Variants in GK5 observed in about 807,000 individuals in gnomAD.
GK5 encodes the protein glycerol kinase 5.
A neutral mutation model predicts 77.3 loss-of-function variants in GK5; 39 were observed. That is an observed-to-expected ratio of 0.50 (90% CI 0.39 to 0.66). GK5 has a LOEUF of 0.66. GK5 is among the 30% of genes least tolerant of loss of function. GK5 has a pLI of 0.00. For synonymous variants in GK5, 211 were observed against 208.0 expected (o/e 1.01, Z -0.13); for missense variants, 487 against 633.8 (o/e 0.77, Z 2.49).
Position 142,162,682 on chromosome 3 carries a change from A to T in GK5, c.*2940T>A, listed in dbSNP as rs1017841085. 6.6e-6 allele frequency: 1 copy of T among 152,174 alleles called. No homozygotes were observed. The highest frequency in any genetic ancestry group is 1.5e-5 in the Non-Finnish European group (1 of 68,034). 9.4% of individuals were successfully genotyped at this position (152,174 alleles called of 1,614,324 possible). The stretch of plus-strand genomic sequence containing the variant: ...TTCTAAACTTCAAATATTAGCATAC[A>T]AATGAAAAACAAACTTGGAAGACAG... On this transcript the variant is annotated 3_prime_UTR_variant, in exon 16 of 16. Transcript: ENST00000392993.
intron 11 of GK5, among the ~76,000 whole-genome samples, chr3:142,179,896 T>C (rs1464407618): frequency 6.6e-6 from 1 of 152,170 alleles, no homozygotes; most frequent in African/African-American, 2.4e-5. Flanking sequence ...ATTCCTGGCC[T>C]AGACTCAGAG....
rs34862424 is a variant in GK5 at position 142,167,373 on chromosome 3, CAA to C, written c.1442-1605_1442-1604del. Among the ~76,000 whole-genome samples, 621 of 137,836 alleles carry C rather than the reference CAA, an allele frequency of 4.5e-3. 10 individuals carry two copies. The highest frequency in any genetic ancestry group is 0.016 in the African/African-American group (574 of 36,998). 90.4% of individuals were successfully genotyped at this position (137,836 alleles called of 152,430 possible). A position where few individuals can be genotyped will look rare whatever the true frequency, so the allele number is the denominator to read the frequency against. ...TGGGCTACAGAGTGAGACTCCATCT[CAA>C]AAAAAAAAAATTTTTAATTAAAAAT... On this transcript the variant is annotated intron_variant, in intron 15 of 15. Transcript: ENST00000392993.
intron 3 of GK5, 132 bp downstream of exon 3, chr3:142,213,394 C>G (rs1274762012): frequency 1.6e-6 from 1 of 641,100 alleles, no homozygotes; most frequent in Admixed American, 2.3e-5. Flanking sequence ...AAAGCAGGCA[C>G]ATTTCATCCC....
intron 12 of GK5, among the ~76,000 whole-genome samples, chr3:142,173,796 G>A (rs1042512020): frequency 3.9e-5 from 6 of 152,116 alleles, no homozygotes; most frequent in African/African-American, 9.7e-5. Context: ...TCACAAGAGC[G>A]CTAACACATC....
In GK5 at chr3:142,162,926, A is replaced by G. The variant is rs12107670; in HGVS notation, c.*2696T>C. 67,542 of 149,512 alleles carry G rather than the reference A, an allele frequency of 0.45. 16,472 individuals carry two copies. Among genetic ancestry groups the G allele is most frequent in the African/African-American group, 0.64 (25,978 of 40,736 alleles). The allele number at this position is 149,512 out of a possible 1,614,324, so 9.3% of individuals were successfully genotyped here. A position where few individuals can be genotyped will look rare whatever the true frequency, so the allele number is the denominator to read the frequency against. On this transcript the variant is annotated 3_prime_UTR_variant, in exon 16 of 16. Coordinates refer to ENST00000392993, the MANE Select transcript of GK5 (RefSeq NM_001039547.3). ...CAGGAGGACTGCTTGAGCCCAGGAG[A>G]GGGAGGTTGCAGTGAGCCGAGATCA... is the stretch of plus-strand genomic sequence containing the variant.
chr3:142,171,388 A>T, intron 14 of GK5, 31 bp downstream of exon 14: 1 of 1,443,130 alleles, frequency 6.9e-7, no homozygotes, highest in Non-Finnish European at 9.2e-7. Flanking sequence ...CTAATTTCTA[A>T]TTAAGTCTAT....
intron 3 of GK5, among the ~76,000 whole-genome samples, chr3:142,211,268 C>T (rs754086964): frequency 1.4e-4 from 21 of 152,158 alleles, no homozygotes; most frequent in Admixed American, 2.6e-4. Flanking sequence ...CACCACAGGA[C>T]GGTCCCCATG....
chr3:142,181,679 G>A, intron 10 of GK5, 114 bp from the exon 11 acceptor site: 1 of 656,346 alleles, frequency 1.5e-6, no homozygotes, highest in Non-Finnish European at 2.6e-6. Context: ...TCTGAAGTCA[G>A]ACTGTGGACG....
Position 142,160,562 on chromosome 3 carries a change from C to T in GK5, c.*5060G>A, listed in dbSNP as rs1254020941. ...CCCTATAGCACCAGAGTGTTTCGCA[C>T]TCTTAAAATTCAATCTGTTAGTCAT... On this transcript the variant is annotated 3_prime_UTR_variant, in exon 16 of 16. Transcript: ENST00000392993. The T allele has an allele frequency of 6.6e-6, 1 of 152,146 alleles. No individual in the cohort carries two copies. The highest frequency in any genetic ancestry group is 1.5e-5 in the Non-Finnish European group (1 of 68,038). 9.4% of individuals were successfully genotyped at this position (152,146 alleles called of 1,614,324 possible).
intron 5 of GK5, among the ~76,000 whole-genome samples, chr3:142,188,135 G>T (rs888139844): frequency 9.2e-5 from 14 of 151,808 alleles, no homozygotes; most frequent in Non-Finnish European, 2.1e-4. Flanking sequence ...GTTGGCTCAC[G>T]CCTGTAATCC....
Position 142,189,782 on chromosome 3 carries a change from C to A in GK5, c.544-2003G>T, listed in dbSNP as rs552200042. On this transcript the variant is annotated intron_variant, in intron 5 of 15. Transcript: ENST00000392993. ...TAGGAACTACAAGTCAGATTTGAAT[C>A]ATCTCAATTATTAAGTTGGATTGAG... Among the ~76,000 whole-genome samples the A allele has an allele frequency of 2.0e-5, 3 of 152,292 alleles. No individual in the cohort carries two copies. In the East Asian group the frequency reaches 5.8e-4, roughly 29 times the overall value.
chr3:142,211,453 AC>A (rs967520489), intron 3 of GK5, among the ~76,000 whole-genome samples: 3 of 152,174 alleles, frequency 2.0e-5, no homozygotes, highest in African/African-American at 7.2e-5. Context: ...GCACAGAGGA[AC>A]TGCAGATGTA....
At chr3:142,197,746 T>G (rs572523830) in intron 5 of GK5, among the ~76,000 whole-genome samples, 1 of 152,266 alleles carries the variant, frequency 6.6e-6, no homozygotes, top group African/African-American at 2.4e-5. Context: ...GATACATGGC[T>G]GGGCATGGTG....
chr3:142,202,350 T>G (rs540792164), intron 4 of GK5, among the ~76,000 whole-genome samples: 48 of 152,274 alleles, frequency 3.2e-4, no homozygotes, highest in African/African-American at 1.1e-3. Context: ...CTCAATTACT[T>G]CACCATTTTG....
chr3:142,171,756 G>A (rs2063542956), intron 13 of GK5, among the ~76,000 whole-genome samples: 1 of 151,786 alleles, frequency 6.6e-6, no homozygotes, highest in Admixed American at 6.6e-5. Flanking sequence ...ATTCTACAAA[G>A]AAAAATTTAA....
intron 1 of GK5, among the ~76,000 whole-genome samples, chr3:142,218,434 C>A (rs1489160421): frequency 4.0e-5 from 6 of 148,508 alleles, no homozygotes; most frequent in Non-Finnish European, 1.5e-5. Context: ...CCCAGCTACT[C>A]GTGAGGCTGA....
At chr3:142,216,498 G>A (rs930938403) in intron 1 of GK5, among the ~76,000 whole-genome samples, 1 of 151,996 alleles carries the variant, frequency 6.6e-6, no homozygotes, top group South Asian at 2.1e-4. Context: ...CCAATCAGAT[G>A]AGCGGTGATC....
In GK5 at chr3:142,184,094, TAA is replaced by T. The variant is rs891249439; in HGVS notation, c.817-1047_817-1046del. On this transcript the variant is annotated intron_variant, in intron 9 of 15. Transcript: ENST00000392993. ...TAACACGGTGAAACCCCATCTCTAC[TAA>T]AAAAAATACAAAAAATTAGCCAGGC... is the stretch of plus-strand genomic sequence containing the variant. Among the ~76,000 whole-genome samples, 7 of 149,718 alleles carry T rather than the reference TAA, an allele frequency of 4.7e-5. No homozygotes were observed. The South Asian group carries it at 1.3e-3, about 27-fold the overall frequency.
intron 15 of GK5, among the ~76,000 whole-genome samples, chr3:142,168,713 T>A (rs1469354281): frequency 1.3e-5 from 2 of 151,212 alleles, no homozygotes; most frequent in Admixed American, 6.6e-5. Flanking sequence ...ATGCAGATCT[T>A]TCTATGGTCC....
Sources: allele counts gnomAD v4.1 joint callset (sites outside exome capture counted in the v4.1 genomes callset), GRCh38; gene constraint gnomAD v4.1.1; transcripts MANE v1.5; gene names NCBI Gene and HGNC (gene_info 2026-07-23, HGNC 2026-07-21).